KLHL1: variants seen among roughly 807,000 people sequenced by gnomAD.
KLHL1 encodes kelch like family member 1, also known as kelch-like protein 1.
In KLHL1, 47 loss-of-function variants were observed where a neutral mutation model predicts 77.7. The ratio of observed to expected loss-of-function variants is 0.60; its 90% CI spans 0.48 to 0.77. The LOEUF is 0.77. Among genes scored for constraint, KLHL1 ranks in the 30% least tolerant of loss-of-function variants. The probability of loss-of-function intolerance (pLI) is 0.00; values close to 1 mark genes in which losing one functional copy is unlikely to be tolerated. For synonymous variants in KLHL1, 360 were observed against 325.2 expected (o/e 1.11, Z -1.15); for missense variants, 925 against 910.8 (o/e 1.02, Z -0.20).
At chr13:69,971,395 A>G (rs1050614618) in intron 2 of KLHL1, among the ~76,000 whole-genome samples, 1 of 152,024 alleles carries the variant, frequency 6.6e-6, no homozygotes, top group Non-Finnish European at 1.5e-5. Context: ...GTTTCAAGTA[A>G]AAAACTTATC....
At chr13:70,075,113 C>T (rs1887231331) in intron 1 of KLHL1, among the ~76,000 whole-genome samples, 1 of 151,872 alleles carries the variant, frequency 6.6e-6, no homozygotes, top group Non-Finnish European at 1.5e-5. Flanking sequence ...GGGCCATACA[C>T]AAATTATGAG....
intron 6 of KLHL1, among the ~76,000 whole-genome samples, chr13:69,835,227 G>C (rs1878938928): frequency 6.6e-6 from 1 of 152,150 alleles, no homozygotes; most frequent in South Asian, 2.1e-4. Flanking sequence ...GGACACTTCT[G>C]ACTGTTGGAG....
chr13:69,882,274 C>A lies in KLHL1; in HGVS notation c.1227+9G>T. On this transcript the variant is annotated intron_variant, in intron 5 of 10. Coordinates refer to ENST00000377844, the MANE Select transcript of KLHL1 (RefSeq NM_020866.3). ...TTGAATCTATTTAAACAGCGTCACA[C>A]ATCATTACCTGTGGTGGAAGCAGTG... The A allele has an allele frequency of 1.9e-6, 3 of 1,588,624 alleles. No homozygotes were observed. The highest frequency in any genetic ancestry group is 2.6e-6 in the Non-Finnish European group (3 of 1,156,884).
intron 9 of KLHL1, among the ~76,000 whole-genome samples, chr13:69,713,997 G>A (rs375095324): frequency 2.6e-5 from 4 of 152,220 alleles, no homozygotes; most frequent in African/African-American, 9.6e-5. Flanking sequence ...TTATGCTGAT[G>A]ATGTGCTTAA....
At chr13:70,045,150 C>A (rs1220540143) in intron 1 of KLHL1, among the ~76,000 whole-genome samples, 1 of 152,080 alleles carries the variant, frequency 6.6e-6, no homozygotes, top group Non-Finnish European at 1.5e-5. Context: ...ACTTATACAT[C>A]CATCACCTGA....
intron 1 of KLHL1, among the ~76,000 whole-genome samples, chr13:70,072,359 T>C (rs2137419247): frequency 6.6e-6 from 1 of 152,230 alleles, no homozygotes; most frequent in East Asian, 1.9e-4. Context: ...TTCTACTAAA[T>C]AGTTAAGGTA....
intron 4 of KLHL1, among the ~76,000 whole-genome samples, chr13:69,932,513 G>A (rs1883034105): frequency 6.6e-6 from 1 of 151,688 alleles, no homozygotes; most frequent in Non-Finnish European, 1.5e-5. Flanking sequence ...AAATATTTAG[G>A]CACTACTTAT....
At chr13:69,953,308 GA>G (rs1462127061) in intron 3 of KLHL1, among the ~76,000 whole-genome samples, 3 of 151,230 alleles carry the variant, frequency 2.0e-5, no homozygotes, top group Non-Finnish European at 3.0e-5. Context: ...TTAATTGTAA[GA>G]AAAAAATATA....
intron 1 of KLHL1, among the ~76,000 whole-genome samples, chr13:70,023,957 T>C (rs1196877023): frequency 6.6e-6 from 1 of 151,918 alleles, no homozygotes; most frequent in African/African-American, 2.4e-5. Flanking sequence ...GAAACGTATA[T>C]AGTTTTTCCT....
chr13:70,025,507 T>C, intron 1 of KLHL1, among the ~76,000 whole-genome samples: 1 of 151,996 alleles, frequency 6.6e-6, no homozygotes, highest in Non-Finnish European at 1.5e-5. Flanking sequence ...ATGAAATATC[T>C]AACTTGTAGG....
At chr13:69,825,430 C>T (rs979231791) in intron 6 of KLHL1, among the ~76,000 whole-genome samples, 1 of 151,848 alleles carries the variant, frequency 6.6e-6, no homozygotes, top group Non-Finnish European at 1.5e-5. Flanking sequence ...GAAAAACCTG[C>T]CAGTTAAATT....
At chr13:69,712,316 A>G (rs1875913522) in intron 9 of KLHL1, among the ~76,000 whole-genome samples, 1 of 149,818 alleles carries the variant, frequency 6.7e-6, no homozygotes, top group Non-Finnish European at 1.5e-5. Flanking sequence ...TTATTGTTTT[A>G]TGGGTAATAT....
At chr13:69,702,894 C>T (rs970153610) in intron 10 of KLHL1, among the ~76,000 whole-genome samples, 1 of 151,690 alleles carries the variant, frequency 6.6e-6, no homozygotes, top group African/African-American at 2.4e-5. Context: ...CCACTCTTAT[C>T]TTCGTAATCA....
chr13:69,904,715 G>A (rs1401225949), intron 4 of KLHL1, among the ~76,000 whole-genome samples: 1 of 152,112 alleles, frequency 6.6e-6, no homozygotes, highest in Non-Finnish European at 1.5e-5. Flanking sequence ...TGAATGAGAA[G>A]GACTTCAAAG....
At chr13:69,727,148 T>C (rs1436916035) in intron 8 of KLHL1, among the ~76,000 whole-genome samples, 4 of 152,174 alleles carry the variant, frequency 2.6e-5, no homozygotes, top group East Asian at 1.9e-4. Flanking sequence ...GATTAAACTA[T>C]GCTTTGGATG....
intron 1 of KLHL1, among the ~76,000 whole-genome samples, chr13:70,059,161 T>C (rs1886815834): frequency 3.3e-5 from 5 of 151,242 alleles, no homozygotes; most frequent in African/African-American, 9.7e-5. Context: ...TTTCTTCTTT[T>C]TTTTTTTTTT....
chr13:70,088,502 A>G (rs576860747), intron 1 of KLHL1, among the ~76,000 whole-genome samples: 1 of 152,254 alleles, frequency 6.6e-6, no homozygotes, highest in African/African-American at 2.4e-5. Flanking sequence ...CAATGCAACA[A>G]GACTTCAACT....
At chr13:70,031,395 G>A (rs1334592076) in intron 1 of KLHL1, among the ~76,000 whole-genome samples, 2 of 151,918 alleles carry the variant, frequency 1.3e-5, no homozygotes, top group African/African-American at 2.4e-5. Context: ...GTCTCTGGAT[G>A]AGAAAAAAAA....
At chr13:70,076,387 C>T (rs200644712) in intron 1 of KLHL1, among the ~76,000 whole-genome samples, 4 of 139,870 alleles carry the variant, frequency 2.9e-5, no homozygotes, top group South Asian at 2.2e-4. Flanking sequence ...AAAGGATAAT[C>T]TTTTTTTTTT....
Sources: allele counts gnomAD v4.1 joint callset (sites outside exome capture counted in the v4.1 genomes callset), GRCh38; gene constraint gnomAD v4.1.1; transcripts MANE v1.5; gene names NCBI Gene and HGNC (gene_info 2026-07-23, HGNC 2026-07-21).